The following L2HGDH variants were observed in gnomAD, a reference collection of about 807,000 sequenced individuals.
L2HGDH encodes the protein L-2-hydroxyglutarate dehydrogenase, mitochondrial.
A neutral mutation model predicts 51.5 loss-of-function variants in L2HGDH; 34 were observed. The ratio of observed to expected loss-of-function variants is 0.66; its 90% CI spans 0.50 to 0.88. The LOEUF (loss-of-function observed/expected upper bound fraction) is 0.88. Ranked by LOEUF, L2HGDH falls within the 40% of genes least tolerant of loss-of-function variation. The pLI is 0.00. For synonymous variants in L2HGDH, 198 were observed against 197.9 expected (o/e 1.00, Z -0.01); for missense variants, 558 against 571.9 (o/e 0.98, Z 0.25).
chr14:50,303,517 C>T (rs939064385), intron 1 of L2HGDH, among the ~76,000 whole-genome samples: 4 of 151,636 alleles, frequency 2.6e-5, no homozygotes, highest in Admixed American at 1.3e-4. Context: ...TGGCTCATGC[C>T]TGTAATCCCA....
At chr14:50,286,984 C>G (rs1193088584) in intron 4 of L2HGDH, among the ~76,000 whole-genome samples, 1 of 152,142 alleles carries the variant, frequency 6.6e-6, no homozygotes, top group Non-Finnish European at 1.5e-5. Flanking sequence ...GTGTGTGGCA[C>G]ATAGTAATCA....
Position 50,312,118 on chromosome 14 carries a change from G to A in L2HGDH, c.33C>T (p.Ala11=), listed in dbSNP as rs1325297020. The A allele has an allele frequency of 1.6e-5, 25 of 1,610,048 alleles. No homozygotes were observed. Among genetic ancestry groups the A allele is most frequent in the East Asian group, 1.3e-4 (6 of 44,792 alleles). The part of the protein sequence containing the change: MVPALRYLVG[A]CGRARGLFAG... Reference sequence around the variant, plus strand: ...CGAAAAGCCCGCGGGCCCGTCCGCAGGCACCAACCAAATAACGCAGCGCTG... The same window carrying A: ...CGAAAAGCCCGCGGGCCCGTCCGCAAGCACCAACCAAATAACGCAGCGCTG... The change falls in exon 1 of 10, where the codon GCC becomes GCT. Residue 11 remains alanine, a synonymous_variant. Coordinates refer to ENST00000267436, the MANE Select transcript of L2HGDH (RefSeq NM_024884.3).
In L2HGDH at chr14:50,245,425, A is replaced by T. The variant is rs1407101975; in HGVS notation, c.*1633T>A. On this transcript the variant is annotated 3_prime_UTR_variant, in exon 10 of 10. Coordinates refer to ENST00000267436, the MANE Select transcript of L2HGDH (RefSeq NM_024884.3). ...CTCAGTGTACCACTGTTTAGATTTC[A>T]TGATGATACCATACCACATCAGTTA... 3.0e-6 allele frequency: 3 copies of T among 985,228 alleles called. No individual in the cohort carries two copies. The highest frequency in any genetic ancestry group is 3.6e-6 in the Non-Finnish European group (3 of 829,734). 61.0% of individuals were successfully genotyped at this position (985,228 alleles called of 1,614,324 possible). A position where few individuals can be genotyped will look rare whatever the true frequency, so the allele number is the denominator to read the frequency against.
chr14:50,269,641 C>G (rs946618015), intron 6 of L2HGDH, among the ~76,000 whole-genome samples: 2 of 152,048 alleles, frequency 1.3e-5, no homozygotes, highest in Non-Finnish European at 2.9e-5. Context: ...ACATACAAAT[C>G]TGTTTATTAG....
chr14:50,297,737 A>T (rs766828803), intron 3 of L2HGDH, among the ~76,000 whole-genome samples: 2 of 152,190 alleles, frequency 1.3e-5, no homozygotes, highest in Non-Finnish European at 2.9e-5. Flanking sequence ...CCACAATGGA[A>T]TGAAACTAGA....
rs138626765 is a variant in L2HGDH at position 50,302,136 on chromosome 14, T to C, written c.289A>G (p.Ile97Val). ...VHQTGHNSGV[I>V]HSGIYYKPES... ...GGTTTATAATAAATTCCACTATGTA[T>C]GACACCACTGTTATGTCCAGTCTGG... The change falls in exon 3 of 10, where the codon ATA (isoleucine) becomes GTA (valine). Residue 97 changes from isoleucine (I) to valine (V), a missense_variant. By Grantham distance (29) the Ile-to-Val change is conservative (BLOSUM62 3). Coordinates refer to ENST00000267436, the MANE Select transcript of L2HGDH (RefSeq NM_024884.3). 1 of 1,614,134 alleles carries C rather than the reference T, an allele frequency of 6.2e-7. No individual in the cohort carries two copies. Among genetic ancestry groups the C allele is most frequent in the South Asian group, 1.1e-5 (1 of 91,088 alleles).
chr14:50,270,342 C>T (rs1171792015), intron 6 of L2HGDH, among the ~76,000 whole-genome samples: 1 of 152,200 alleles, frequency 6.6e-6, no homozygotes, highest in Non-Finnish European at 1.5e-5. Context: ...CATTCACCAC[C>T]ACACTTGAAT....
chr14:50,246,889 A>G lies in L2HGDH; in HGVS notation c.*169T>C, dbSNP rs1595055757. ...AGGCATGCGCCACCATGCCTGGCTA[A>G]TTTTTGTAGAAAATTATTATTTCTA... On this transcript the variant is annotated 3_prime_UTR_variant, in exon 10 of 10. Coordinates refer to ENST00000267436, the MANE Select transcript of L2HGDH (RefSeq NM_024884.3). 6.4e-6 allele frequency: 8 copies of G among 1,244,062 alleles called. No individual in the cohort carries two copies. The South Asian group carries it at 1.2e-4, about 18-fold the overall frequency. 77.1% of individuals were successfully genotyped at this position (1,244,062 alleles called of 1,614,324 possible).
chr14:50,250,011 C>T (rs1888252686), intron 9 of L2HGDH, among the ~76,000 whole-genome samples: 1 of 149,280 alleles, frequency 6.7e-6, no homozygotes, highest in South Asian at 2.1e-4. Flanking sequence ...AAGCGATTCT[C>T]CTGCCTCAGC....
chr14:50,297,090 C>A (rs2030098734), intron 3 of L2HGDH, among the ~76,000 whole-genome samples: 1 of 152,052 alleles, frequency 6.6e-6, no homozygotes, highest in Non-Finnish European at 1.5e-5. Flanking sequence ...AAACATTCAA[C>A]AAACTAGGAA....
chr14:50,274,344 T>C (rs1416489272), intron 6 of L2HGDH, among the ~76,000 whole-genome samples: 5 of 151,474 alleles, frequency 3.3e-5, no homozygotes, highest in Admixed American at 6.6e-5. Context: ...TTCAAAGATA[T>C]ACACATAGCC....
chr14:50,288,522 C>T (rs1273594782), intron 4 of L2HGDH, among the ~76,000 whole-genome samples: 1 of 152,154 alleles, frequency 6.6e-6, no homozygotes, highest in Non-Finnish European at 1.5e-5. Flanking sequence ...CCTCTGCCTC[C>T]CTGGTTCAAG....
chr14:50,287,691 CTTTTTTTT>C (rs911689718), intron 4 of L2HGDH, among the ~76,000 whole-genome samples: 4 of 85,264 alleles, frequency 4.7e-5, no homozygotes, highest in African/African-American at 2.0e-4. Flanking sequence ...TATTTTTTTC[CTTTTTTTT>C]TTTTTTTTTT....
chr14:50,268,381 G>GAAA (rs769880130), intron 7 of L2HGDH, among the ~76,000 whole-genome samples: 4 of 67,904 alleles, frequency 5.9e-5, no homozygotes, highest in African/African-American at 2.0e-4. Context: ...TCTGTCTCAG[G>GAAA]AAAAAAAAAA....
intron 3 of L2HGDH, chr14:50,300,094 T>C (rs774704273): frequency 1.3e-5 from 2 of 152,110 alleles, no homozygotes. Context: ...TGTGGAAAGA[T>C]ATTTGTTAAA....
chr14:50,293,226 T>C, intron 4 of L2HGDH: 1 of 702,348 alleles, frequency 1.4e-6, no homozygotes, highest in Non-Finnish European at 2.6e-6. Context: ...AAGGCAATAC[T>C]GCAGCACAGT....
At chr14:50,306,600 GT>G (rs71118864) in intron 1 of L2HGDH, among the ~76,000 whole-genome samples, 66,028 of 132,926 alleles carry the variant, frequency 0.5, 16,138 homozygotes, top group East Asian at 0.63. Context: ...TTGTTTTGGG[GT>G]TTTTTTTTTT....
intron 6 of L2HGDH, among the ~76,000 whole-genome samples, chr14:50,277,417 T>C (rs1377796739): frequency 6.6e-6 from 1 of 152,084 alleles, no homozygotes; most frequent in African/African-American, 2.4e-5. Flanking sequence ...GAACTATGCT[T>C]GACAGAATCC....
At chr14:50,304,011 G>A (rs1028288002) in intron 1 of L2HGDH, among the ~76,000 whole-genome samples, 1 of 152,062 alleles carries the variant, frequency 6.6e-6, no homozygotes, top group Non-Finnish European at 1.5e-5. Context: ...TGCATTGGTA[G>A]GCGATTTCCT....
Sources: allele counts gnomAD v4.1 joint callset (sites outside exome capture counted in the v4.1 genomes callset), GRCh38; gene constraint gnomAD v4.1.1; transcripts MANE v1.5; gene names NCBI Gene and HGNC (gene_info 2026-07-23, HGNC 2026-07-21).